Variants in ERI3 observed in about 807,000 individuals in gnomAD.
The protein encoded by ERI3 is ERI1 exoribonuclease 3.
A neutral mutation model predicts 44.4 loss-of-function variants in ERI3; 18 were observed. That is an observed-to-expected ratio of 0.41 (90% confidence interval 0.28 to 0.60). The LOEUF is 0.60. Among genes scored for constraint, ERI3 ranks in the 20% least tolerant of loss-of-function variants. The pLI is 0.36. For synonymous variants in ERI3, 183 were observed against 164.8 expected (o/e 1.11, Z -0.84); for missense variants, 294 against 435.5 (o/e 0.68, Z 2.89).
intron 3 of ERI3, 56 bp downstream of exon 3, chr1:44,338,989 T>C (rs1023895174): frequency 6.3e-7 from 1 of 1,581,128 alleles, no homozygotes. Flanking sequence ...AGCAAAACTA[T>C]CCTCCCTCCC....
chr1:44,322,009 T>TA (rs1646213215), intron 3 of ERI3, among the ~76,000 whole-genome samples: 2 of 152,150 alleles, frequency 1.3e-5, no homozygotes, highest in Admixed American at 1.3e-4. Context: ...TATCAAACAT[T>TA]AATAGAAAAA....
At chr1:44,292,655 C>T (rs893898864) in intron 6 of ERI3, among the ~76,000 whole-genome samples, 25 of 152,312 alleles carry the variant, frequency 1.6e-4, no homozygotes, top group African/African-American at 5.5e-4. Context: ...TGCATGCACA[C>T]GTGCGGTCCC....
intron 7 of ERI3, among the ~76,000 whole-genome samples, chr1:44,264,149 C>T (rs933153274): frequency 5.9e-5 from 9 of 152,194 alleles, no homozygotes; most frequent in South Asian, 2.1e-4. Flanking sequence ...CTCTTCGGTG[C>T]GACTGCTCAG....
At chr1:44,265,470 G>A (rs1026896703) in intron 7 of ERI3, among the ~76,000 whole-genome samples, 4 of 152,138 alleles carry the variant, frequency 2.6e-5, no homozygotes, top group Admixed American at 6.5e-5. Context: ...AGACTAAATG[G>A]TGGGGGTACA....
chr1:44,221,710 A>C lies in ERI3; in HGVS notation c.932-70T>G. The stretch of plus-strand genomic sequence containing the variant: ...CTCCATGCCCACAGGTGCTCTTACA[A>C]GGGTGGGGGTGGGAAGCAGGGTCAG... On this transcript the variant is annotated intron_variant, in intron 8 of 8. Transcript: ENST00000372257. This position sits in a 1 kb window ranked among gnomAD's most constrained non-coding sequence, Gnocchi z 5.9. The C allele has an allele frequency of 5.8e-5, 59 of 1,014,164 alleles. No individual in the cohort carries two copies. The highest frequency in any genetic ancestry group is 1.4e-4 in the East Asian group (5 of 37,020). The allele number at this position is 1,014,164 out of a possible 1,614,324, so 62.8% of individuals were successfully genotyped here. A position where few individuals can be genotyped will look rare whatever the true frequency, so the allele number is the denominator to read the frequency against.
chr1:44,284,377 G>A (rs1406752720), intron 7 of ERI3, among the ~76,000 whole-genome samples: 1 of 152,168 alleles, frequency 6.6e-6, no homozygotes, highest in East Asian at 1.9e-4. Flanking sequence ...CAGGAACAAA[G>A]CCAACTTAAG....
At chr1:44,278,926 A>G (rs1215038918) in intron 7 of ERI3, among the ~76,000 whole-genome samples, 1 of 152,230 alleles carries the variant, frequency 6.6e-6, no homozygotes, top group South Asian at 2.1e-4. Flanking sequence ...ATTTAAATTG[A>G]TTAAAATTAA....
chr1:44,284,028 C>CTGG (rs779737233), intron 7 of ERI3: 72 of 471,106 alleles, frequency 1.5e-4, no homozygotes, highest in African/African-American at 1.3e-3. Flanking sequence ...CTTCCTCTGA[C>CTGG]TGGTAGCATG....
intron 3 of ERI3, among the ~76,000 whole-genome samples, chr1:44,321,009 C>A (rs1646190271): frequency 6.6e-6 from 1 of 152,080 alleles, no homozygotes; most frequent in Non-Finnish European, 1.5e-5. Context: ...TAAAGTGGTT[C>A]TCTCCAGAGA....
chr1:44,312,638 C>T (rs943908292), intron 5 of ERI3, among the ~76,000 whole-genome samples: 1 of 152,260 alleles, frequency 6.6e-6, no homozygotes, highest in Admixed American at 6.5e-5. Context: ...GCAGCCTCTG[C>T]ACCCGACAGG....
At chr1:44,353,031 C>T in intron 1 of ERI3, 106 bp from the exon 2 acceptor site, 1 of 1,567,700 alleles carries the variant, frequency 6.4e-7, no homozygotes, top group East Asian at 2.3e-5. Flanking sequence ...TTCGGGATAA[C>T]TGCTATCTAT....
At chr1:44,223,084 C>T (rs1643942015) in intron 8 of ERI3, among the ~76,000 whole-genome samples, 2 of 152,162 alleles carry the variant, frequency 1.3e-5, no homozygotes, top group Admixed American at 6.5e-5. Flanking sequence ...TCAGCATGGA[C>T]GCACCTGCAG....
At chr1:44,240,792 T>C (rs982157307) in intron 8 of ERI3, among the ~76,000 whole-genome samples, 3 of 152,034 alleles carry the variant, frequency 2.0e-5, no homozygotes, top group Admixed American at 6.5e-5. Flanking sequence ...GCCTGGTCAG[T>C]AGTGTCCAGG....
intron 7 of ERI3, among the ~76,000 whole-genome samples, chr1:44,256,596 G>A (rs1053709769): frequency 1.3e-5 from 2 of 152,152 alleles, no homozygotes; most frequent in Non-Finnish European, 2.9e-5. Context: ...GATAATTATC[G>A]TCTCTGTGTA....
chr1:44,236,349 G>GT (rs1644304378), intron 8 of ERI3, among the ~76,000 whole-genome samples: 1 of 152,198 alleles, frequency 6.6e-6, no homozygotes, highest in Non-Finnish European at 1.5e-5. Flanking sequence ...TTACAATCTA[G>GT]TGAGGGAGAC....
intron 6 of ERI3, among the ~76,000 whole-genome samples, 187 bp downstream of exon 6, chr1:44,308,123 G>T (rs1418492264): frequency 6.6e-6 from 1 of 152,172 alleles, no homozygotes; most frequent in Non-Finnish European, 1.5e-5. Context: ...GCAGGCCCTT[G>T]ACTTGCCCAC....
rs1305014747 is a variant in ERI3, at chr1:44,221,257, C to G, written c.*301G>C. On this transcript the variant is annotated 3_prime_UTR_variant, in exon 9 of 9. Coordinates refer to ENST00000372257, the MANE Select transcript of ERI3 (RefSeq NM_024066.3). The surrounding 1 kb of genome is among the most constrained non-coding windows in gnomAD (Gnocchi z 5.9). Reference sequence around the variant, plus strand: ...GGTGGCCCCACAGAAGCCTGTGTACCAGGGAGGAGGCGGTGAGTGCCTGGG... The same window carrying G: ...GGTGGCCCCACAGAAGCCTGTGTACGAGGGAGGAGGCGGTGAGTGCCTGGG... 9.4e-6 allele frequency: 4 copies of G among 424,708 alleles called. No individual in the cohort carries two copies. Among genetic ancestry groups the G allele is most frequent in the Non-Finnish European group, 1.7e-5 (4 of 232,330 alleles). The allele number at this position is 424,708 out of a possible 1,614,324, so 26.3% of individuals were successfully genotyped here.
chr1:44,260,541 C>A (rs1331374784), intron 7 of ERI3, among the ~76,000 whole-genome samples: 1 of 152,130 alleles, frequency 6.6e-6, no homozygotes, highest in African/African-American at 2.4e-5. Context: ...AGGAGAGAGG[C>A]CCATTGTATA....
At chr1:44,259,916 T>TAGAC (rs1236516662) in intron 7 of ERI3, among the ~76,000 whole-genome samples, 2,031 of 141,152 alleles carry the variant, frequency 0.014, 27 homozygotes, top group African/African-American at 0.041. Context: ...GATAGATAGA[T>TAGAC]AGATAGACAG....
Sources: gnomAD v4.1 joint callset for allele counts (sites outside exome capture counted in the v4.1 genomes callset) on GRCh38, gnomAD v4.1.1 for gene constraint, Gnocchi (gnomAD v3.1) non-coding constraint, MANE v1.5 for transcripts, NCBI Gene and HGNC (gene_info 2026-07-23, HGNC 2026-07-21) for gene names.